Variants in ADGRB3 observed in about 807,000 individuals in gnomAD.
ADGRB3 encodes brain-specific angiogenesis inhibitor 3.
Under a neutral mutation model 193.4 loss-of-function variants are expected in ADGRB3, and 37 were observed. That is an observed-to-expected ratio of 0.19 (90% confidence interval 0.15 to 0.25). The LOEUF is 0.25. Ranked by LOEUF, ADGRB3 falls within the 10% of genes least tolerant of loss-of-function variation. The pLI, the probability that ADGRB3 is intolerant of heterozygous loss-of-function variation, is 1.00. For missense variants in ADGRB3, 1,637 were observed against 1,852.9 expected, an observed-to-expected ratio of 0.88 and a Z score of 2.14; for synonymous variants, 690 against 644.2, an observed-to-expected ratio of 1.07 and a Z score of -1.08.
At chr6:68,932,207 C>T (rs13219669) in intron 4 of ADGRB3, among the ~76,000 whole-genome samples, 10,180 of 152,162 alleles carry the variant, frequency 0.067, 422 homozygotes, top group Middle Eastern at 0.1. Flanking sequence ...AGATGGCAGG[C>T]ATTGGTTTAC....
chr6:69,338,951 A>C lies in ADGRB3; in HGVS notation c.3224A>C (p.Lys1075Thr). Residue 1075 changes from lysine to threonine, a missense_variant, in exon 25 of 32, where the codon AAA becomes ACA. Physicochemically the swap from Lys to Thr is moderately conservative, Grantham distance 78 (BLOSUM62 -1). Transcript: ENST00000370598. ...GAGCCTCATAGCGGTTTGACGCTCA[A>C]ATGTGCCAAGTGTGGAGTAGTTTCA... ...MSEPHSGLTL[K>T]CAKCGVVSTT... 1 of 1,613,872 alleles carries C rather than the reference A, an allele frequency of 6.2e-7. No homozygotes were observed. The highest frequency in any genetic ancestry group is 8.5e-7 in the Non-Finnish European group (1 of 1,179,866).
chr6:68,850,488 A>G (rs1002282936), intron 3 of ADGRB3, among the ~76,000 whole-genome samples: 5 of 151,920 alleles, frequency 3.3e-5, no homozygotes, highest in Admixed American at 2.6e-4. Flanking sequence ...GTTAGGTGAC[A>G]CTTTGTGGGA....
intron 26 of ADGRB3, among the ~76,000 whole-genome samples, chr6:69,351,541 T>C (rs1769226410): frequency 6.6e-6 from 1 of 152,236 alleles, no homozygotes; most frequent in South Asian, 2.1e-4. Context: ...ATATGACCAT[T>C]AAAATGACCT....
At chr6:68,908,050 T>G (rs116662598) in intron 3 of ADGRB3, among the ~76,000 whole-genome samples, 2,779 of 152,022 alleles carry the variant, frequency 0.018, 76 homozygotes, top group African/African-American at 0.063. Context: ...TTACATAAAG[T>G]TCGATGAGAT....
chr6:69,242,467 G>T (rs946195655), intron 20 of ADGRB3, among the ~76,000 whole-genome samples: 34 of 151,948 alleles, frequency 2.2e-4, no homozygotes, highest in African/African-American at 7.7e-4. Flanking sequence ...TGGCTAGTTT[G>T]TATGAAAGCT....
intron 17 of ADGRB3, among the ~76,000 whole-genome samples, chr6:69,225,326 C>G (rs2127252512): frequency 6.6e-6 from 1 of 152,136 alleles, no homozygotes; most frequent in African/African-American, 2.4e-5. Context: ...CTTATTTGAC[C>G]TTTGATCAAT....
intron 11 of ADGRB3, among the ~76,000 whole-genome samples, chr6:68,995,877 T>A (rs1769370498): frequency 2.0e-5 from 3 of 152,314 alleles, no homozygotes; most frequent in Middle Eastern, 3.4e-3. Flanking sequence ...ATGATTTTTC[T>A]CTTATCTGAA....
intron 28 of ADGRB3, among the ~76,000 whole-genome samples, chr6:69,357,104 A>C (rs1295919008): frequency 6.6e-6 from 1 of 152,050 alleles, no homozygotes; most frequent in East Asian, 1.9e-4. Flanking sequence ...CATTTCTTGT[A>C]GCATTCTCTG....
chr6:69,211,688 A>C (rs1267713726), intron 17 of ADGRB3, among the ~76,000 whole-genome samples: 37 of 152,010 alleles, frequency 2.4e-4, no homozygotes, highest in Admixed American at 2.4e-3. Flanking sequence ...TCTCACTCAA[A>C]TGTATGGCCA....
chr6:68,777,250 A>G (rs1159302897), intron 3 of ADGRB3, among the ~76,000 whole-genome samples: 1 of 152,130 alleles, frequency 6.6e-6, no homozygotes, highest in Non-Finnish European at 1.5e-5. Context: ...GCCAACAAGC[A>G]TCATGTTAAA....
intron 17 of ADGRB3, among the ~76,000 whole-genome samples, chr6:69,083,961 G>T (rs1772474049): frequency 6.6e-6 from 1 of 151,926 alleles, no homozygotes; most frequent in African/African-American, 2.4e-5. Context: ...TTTTAGTATA[G>T]ACGCAGTTTC....
intron 17 of ADGRB3, among the ~76,000 whole-genome samples, chr6:69,222,029 CT>C (rs1172490639): frequency 6.6e-6 from 1 of 152,062 alleles, no homozygotes; most frequent in Non-Finnish European, 1.5e-5. Context: ...CATTAAATTT[CT>C]TTATTTCTTC....
At chr6:69,033,594 G>T (rs1486162858) in intron 13 of ADGRB3, among the ~76,000 whole-genome samples, 2 of 151,976 alleles carry the variant, frequency 1.3e-5, no homozygotes, top group Admixed American at 1.3e-4. Context: ...TTCTTATATG[G>T]CTAGTTTAGC....
rs554159130 is a variant in ADGRB3, at chr6:69,202,035, G to T, written c.2481-31255G>T. On this transcript the variant is annotated intron_variant, in intron 17 of 31. Coordinates refer to ENST00000370598, the MANE Select transcript of ADGRB3 (RefSeq NM_001704.3). ...GATTGTGCCATAGGACACCATTCCT[G>T]CATGCCAGCTTGCCTGCCAGTGTGA... 4.6e-5 allele frequency among the ~76,000 whole-genome samples: 7 copies of T among 152,206 alleles called. No homozygotes were observed. In the South Asian group the frequency reaches 1.5e-3, roughly 32 times the overall value.
chr6:68,943,647 T>C (rs1203777072), intron 5 of ADGRB3, among the ~76,000 whole-genome samples, 183 bp from the exon 6 acceptor site: 1 of 152,206 alleles, frequency 6.6e-6, no homozygotes, highest in East Asian at 1.9e-4. Flanking sequence ...AATTTTTCAT[T>C]ATTTTAACGA....
chr6:69,013,409 C>T (rs1769995581), intron 11 of ADGRB3, among the ~76,000 whole-genome samples: 1 of 152,076 alleles, frequency 6.6e-6, no homozygotes, highest in Non-Finnish European at 1.5e-5. Context: ...ATTCATTCTC[C>T]CATGTTGGCT....
intron 3 of ADGRB3, among the ~76,000 whole-genome samples, chr6:68,887,350 G>T (rs1252101574): frequency 6.6e-6 from 1 of 151,968 alleles, no homozygotes; most frequent in Non-Finnish European, 1.5e-5. Context: ...GTTTTGGCTT[G>T]CATTTGAGGG....
chr6:69,063,405 G>T lies in ADGRB3; in HGVS notation c.2436+369G>T, dbSNP rs75723942. Among the ~76,000 whole-genome samples the T allele has an allele frequency of 2.4e-3, 365 of 152,118 alleles. 4 individuals are homozygous for T. Among genetic ancestry groups the T allele is most frequent in the African/African-American group, 6.4e-3 (265 of 41,552 alleles). ...GAGAAGATGAGGTGAGTAAAAGCCT[G>T]TTAACTGTAGTGGTGCTTACATGGT... On this transcript the variant is annotated intron_variant, in intron 16 of 31. Transcript: ENST00000370598.
At chr6:68,862,548 G>T (rs1431812839) in intron 3 of ADGRB3, among the ~76,000 whole-genome samples, 1 of 152,114 alleles carries the variant, frequency 6.6e-6, no homozygotes, top group Admixed American at 6.5e-5. Context: ...TGGGGTCAGG[G>T]GGACCAAGTC....
Sources: gnomAD v4.1 joint callset for allele counts (sites outside exome capture counted in the v4.1 genomes callset) on GRCh38, gnomAD v4.1.1 for gene constraint, MANE v1.5 for transcripts, NCBI Gene and HGNC (gene_info 2026-07-23, HGNC 2026-07-21) for gene names.